The following IQCM variants were observed in gnomAD, a reference collection of about 807,000 sequenced individuals.
IQCM encodes IQ domain-containing protein M.
In IQCM, 45 loss-of-function variants were observed where a neutral mutation model predicts 57.6. The ratio of observed to expected loss-of-function variants is 0.78; its 90% CI spans 0.62 to 1.00. The LOEUF (loss-of-function observed/expected upper bound fraction) is 1.00, where lower values mean the gene tolerates loss of function less well. Among genes scored for constraint, IQCM ranks in the 50% least tolerant of loss-of-function variants. The pLI is 0.00. For synonymous variants in IQCM, 148 were observed against 158.9 expected, an observed-to-expected ratio of 0.93 and a Z score of 0.51; for missense variants, 468 against 511.6, an observed-to-expected ratio of 0.91 and a Z score of 0.82.
chr4:149,519,310 A>C (rs1234729161), intron 12 of IQCM, among the ~76,000 whole-genome samples: 1 of 152,202 alleles, frequency 6.6e-6, no homozygotes, highest in Admixed American at 6.5e-5. Context: ...TTTTCTATTA[A>C]TCAGACCATA....
At chr4:149,636,205 A>G (rs1214086933) in intron 7 of IQCM, among the ~76,000 whole-genome samples, 5 of 152,224 alleles carry the variant, frequency 3.3e-5, no homozygotes, top group African/African-American at 1.2e-4. Flanking sequence ...CAGAGATGGA[A>G]CACAATACTA....
intron 7 of IQCM, among the ~76,000 whole-genome samples, chr4:149,668,355 C>A (rs1175409034): frequency 6.6e-6 from 1 of 152,102 alleles, no homozygotes; most frequent in Non-Finnish European, 1.5e-5. Flanking sequence ...AGAAATAAAA[C>A]CCTTTACAGA....
intron 13 of IQCM, among the ~76,000 whole-genome samples, chr4:149,408,754 T>C (rs959943091): frequency 6.6e-6 from 1 of 152,178 alleles, no homozygotes; most frequent in Non-Finnish European, 1.5e-5. Context: ...TTTCTTTTTT[T>C]AGATAATACC....
At chr4:149,399,600 C>T (rs1342563790) in intron 13 of IQCM, among the ~76,000 whole-genome samples, 1 of 152,036 alleles carries the variant, frequency 6.6e-6, no homozygotes, top group African/African-American at 2.4e-5. Context: ...AGTACCATTT[C>T]TTTGCCCTCA....
At chr4:149,543,868 C>CT (rs1748113113) in intron 12 of IQCM, among the ~76,000 whole-genome samples, 1 of 152,078 alleles carries the variant, frequency 6.6e-6, no homozygotes, top group African/African-American at 2.4e-5. Flanking sequence ...ACAACCTAAA[C>CT]TGAAGCACAA....
At chr4:149,484,877 T>G (rs569679842) in intron 12 of IQCM, among the ~76,000 whole-genome samples, 1 of 152,230 alleles carries the variant, frequency 6.6e-6, no homozygotes, top group South Asian at 2.1e-4. Context: ...TAGGGTACAT[T>G]TGGTATTGAT....
chr4:149,456,420 G>T (rs1737708805), intron 12 of IQCM, among the ~76,000 whole-genome samples: 1 of 151,834 alleles, frequency 6.6e-6, no homozygotes, highest in Non-Finnish European at 1.5e-5. Context: ...GATATATTTG[G>T]GATGGGACCT....
intron 13 of IQCM, among the ~76,000 whole-genome samples, chr4:149,366,955 T>G (rs533785103): frequency 6.6e-6 from 1 of 152,098 alleles, no homozygotes; most frequent in African/African-American, 2.4e-5. Flanking sequence ...TGACAAACAA[T>G]GAGGAAAACT....
intron 8 of IQCM, among the ~76,000 whole-genome samples, chr4:149,597,913 C>G (rs1285234029): frequency 1.3e-5 from 2 of 151,868 alleles, no homozygotes; most frequent in African/African-American, 2.4e-5. Flanking sequence ...ACTTACACAC[C>G]TCATGACAAA....
At chr4:149,609,418 C>A (rs1207887503) in intron 8 of IQCM, among the ~76,000 whole-genome samples, 2 of 151,738 alleles carry the variant, frequency 1.3e-5, no homozygotes, top group African/African-American at 4.8e-5. Flanking sequence ...GATACAAAAA[C>A]CAGACAAAGC....
At chr4:149,585,506 A>C (rs1469438541) in intron 9 of IQCM, among the ~76,000 whole-genome samples, 1 of 151,690 alleles carries the variant, frequency 6.6e-6, no homozygotes. Flanking sequence ...ATAAAATCTC[A>C]CATATATACA....
chr4:149,553,322 G>A (rs936612829), intron 10 of IQCM, 35 bp from the exon 11 acceptor site: 6 of 1,223,326 alleles, frequency 4.9e-6, no homozygotes, highest in Non-Finnish European at 6.1e-6. Flanking sequence ...TATATTTCTG[G>A]TATTTATATT....
chr4:149,613,415 C>T (rs1033513221), intron 8 of IQCM, among the ~76,000 whole-genome samples: 8 of 152,026 alleles, frequency 5.3e-5, no homozygotes, highest in African/African-American at 9.7e-5. Flanking sequence ...AAATCTCCTT[C>T]GATTCTCCCC....
At chr4:149,541,458 G>A (rs1747842416) in intron 12 of IQCM, among the ~76,000 whole-genome samples, 1 of 151,822 alleles carries the variant, frequency 6.6e-6, no homozygotes, top group African/African-American at 2.4e-5. Flanking sequence ...TTTACATGTT[G>A]GAAAAATAGG....
Position 149,558,585 on chromosome 4 carries a change from G to C in IQCM, c.948+5107C>G, listed in dbSNP as rs112243637. Among the ~76,000 whole-genome samples the C allele has an allele frequency of 2.0e-3, 300 of 152,184 alleles. 1 individual carries two copies. The highest frequency in any genetic ancestry group is 3.0e-3 in the Non-Finnish European group (207 of 68,012). On this transcript the variant is annotated intron_variant, in intron 10 of 13. Transcript: ENST00000636793. ...AGTAAGTGCCATGAAGAACAATAAA[G>C]TGTTTTAAAAGAGACAGGGAGTGAT...
intron 2 of IQCM, among the ~76,000 whole-genome samples, chr4:149,780,862 T>C (rs1771540748): frequency 2.6e-5 from 4 of 152,002 alleles, no homozygotes; most frequent in Admixed American, 2.6e-4. Context: ...GACAGATGAA[T>C]TAAAATGGAA....
At chr4:149,553,327 T>C (rs1749220101) in intron 10 of IQCM, 40 bp from the exon 11 acceptor site, 1 of 1,220,722 alleles carries the variant, frequency 8.2e-7, no homozygotes, top group Non-Finnish European at 1.0e-6. Flanking sequence ...TTCTGGTATT[T>C]ATATTTAATT....
At chr4:149,575,004 G>T (rs1167026953) in intron 9 of IQCM, among the ~76,000 whole-genome samples, 4 of 151,856 alleles carry the variant, frequency 2.6e-5, no homozygotes, top group Admixed American at 2.6e-4. Context: ...AAATATCACT[G>T]CTTTCCTGAT....
At chr4:149,502,931 TA>T (rs1013642612) in intron 12 of IQCM, among the ~76,000 whole-genome samples, 17 of 147,512 alleles carry the variant, frequency 1.2e-4, no homozygotes, top group African/African-American at 1.2e-4. Context: ...AAAATTTGAT[TA>T]AAAAAAAAAG....
Sources: allele counts gnomAD v4.1 joint callset (sites outside exome capture counted in the v4.1 genomes callset), GRCh38; gene constraint gnomAD v4.1.1; transcripts MANE v1.5; gene names NCBI Gene and HGNC (gene_info 2026-07-23, HGNC 2026-07-21).